PDE10A: variants seen among roughly 807,000 people sequenced by gnomAD.
PDE10A encodes the protein cAMP and cAMP-inhibited cGMP 3',5'-cyclic phosphodiesterase 10A.
A neutral mutation model predicts 97.7 loss-of-function variants in PDE10A; 39 were observed. The observed-to-expected ratio is 0.40, with a 90% confidence interval of 0.31 to 0.52. PDE10A has a LOEUF of 0.52. PDE10A is among the 20% of genes least tolerant of loss of function. The pLI is 0.56. For missense variants in PDE10A, 731 were observed against 1,047.8 expected (o/e 0.70, Z 4.17); for synonymous variants, 371 against 376.8 (o/e 0.98, Z 0.18).
At chr6:165,987,864 C>T (rs1396365763) in exon 1 of PDE10A, 1 of 382,764 alleles carries the variant, frequency 2.6e-6, no homozygotes, top group African/African-American at 2.1e-5. Flanking sequence ...GAAAGCTGCA[C>T]CCAGCGCCTT....
intron 20 of PDE10A, among the ~76,000 whole-genome samples, chr6:165,338,357 ATTAT>A (rs1422959360): frequency 6.6e-6 from 1 of 152,210 alleles, no homozygotes; most frequent in Non-Finnish European, 1.5e-5. Context: ...CTGTATCATA[ATTAT>A]TTATTTGCCC....
chr6:165,568,729 G>C (rs546891500), intron 1 of PDE10A, among the ~76,000 whole-genome samples: 1 of 152,098 alleles, frequency 6.6e-6, no homozygotes, highest in Non-Finnish European at 1.5e-5. Flanking sequence ...TAAGTTAAAG[G>C]GTGCAAGTTC....
chr6:165,522,556 A>G (rs1424718542), intron 2 of PDE10A, among the ~76,000 whole-genome samples: 1 of 152,136 alleles, frequency 6.6e-6, no homozygotes, highest in Non-Finnish European at 1.5e-5. Flanking sequence ...AAGTTTCAAT[A>G]AAATCCAACA....
intron 1 of PDE10A, among the ~76,000 whole-genome samples, chr6:165,619,292 GTC>G (rs1787918912): frequency 6.7e-5 from 8 of 119,804 alleles, no homozygotes; most frequent in African/African-American, 2.1e-4. Context: ...GTCTAGCATA[GTC>G]TAGTGTAGTG....
intron 5 of PDE10A, among the ~76,000 whole-genome samples, chr6:165,441,710 C>T (rs958008832): frequency 1.3e-5 from 2 of 152,120 alleles, no homozygotes; most frequent in Admixed American, 6.5e-5. Flanking sequence ...ATGAACAATG[C>T]GGGTACAGGA....
chr6:165,839,933 T>C (rs1780194077), intron 1 of PDE10A, among the ~76,000 whole-genome samples: 123 of 2,906 alleles, frequency 0.042, no homozygotes, highest in African/African-American at 0.046. Flanking sequence ...TCATCTCCAT[T>C]CTTATCTTCA....
chr6:165,987,117 G>A (rs542931763), intron 1 of PDE10A, among the ~76,000 whole-genome samples: 2 of 152,246 alleles, frequency 1.3e-5, no homozygotes, highest in East Asian at 3.9e-4. Context: ...AGGCCGCCTC[G>A]GGAGGCACCT....
At chr6:165,863,469 C>T (rs1462294057) in intron 1 of PDE10A, among the ~76,000 whole-genome samples, 1 of 152,160 alleles carries the variant, frequency 6.6e-6, no homozygotes. Context: ...CATATAACTA[C>T]CTTTTAATGT....
intron 1 of PDE10A, among the ~76,000 whole-genome samples, chr6:165,923,180 A>G (rs1782804386): frequency 1.3e-5 from 2 of 152,214 alleles, no homozygotes; most frequent in Admixed American, 1.3e-4. Flanking sequence ...AGTCACAAAC[A>G]CGATGTGTCT....
chr6:165,825,760 G>A (rs1779723144), intron 1 of PDE10A, among the ~76,000 whole-genome samples: 1 of 152,160 alleles, frequency 6.6e-6, no homozygotes, highest in Non-Finnish European at 1.5e-5. Flanking sequence ...CAGTGGGAGT[G>A]GGAGGGCCTG....
chr6:165,915,005 C>T lies in PDE10A; in HGVS notation c.-615+72524G>A, dbSNP rs550931556. Among the ~76,000 whole-genome samples, 55 of 149,472 alleles carry T rather than the reference C, an allele frequency of 3.7e-4. 1 individual carries two copies. The highest frequency in any genetic ancestry group is 1.3e-3 in the African/African-American group (54 of 40,854). ...GGTTTCAAGGCACAGAAACACTGTC[C>T]CATGCACATTTTACTTCCAAAATCA... On this transcript the variant is annotated intron_variant, in intron 1 of 19. Coordinates refer to the PDE10A transcript ENST00000366882.
rs2098617289 is a variant in PDE10A at position 165,864,831 on chromosome 6, T to C, written c.-615+122698A>G. ...ACCATGAAAAACATCAAATGAAGAA[T>C]TTCAATAATAGGAAAATGCCTGTTT... On this transcript the variant is annotated intron_variant, in intron 1 of 19. Transcript: ENST00000366882. Among the ~76,000 whole-genome samples the C allele has an allele frequency of 2.0e-5, 3 of 152,122 alleles. No homozygotes were observed. In the South Asian group the frequency reaches 6.2e-4, roughly 32 times the overall value.
intron 1 of PDE10A, among the ~76,000 whole-genome samples, chr6:165,703,843 T>C (rs1036304787): frequency 1.3e-5 from 2 of 152,136 alleles, no homozygotes; most frequent in African/African-American, 4.8e-5. Context: ...CGCCTCCCCT[T>C]GTTCTCAAAT....
At position 165,331,907 on chromosome 6, in the gene PDE10A, T is replaced by G. The variant is rs1562353312; in HGVS notation, c.*1118A>C. 6.6e-6 allele frequency: 1 copy of G among 152,216 alleles called. No homozygotes were observed. The highest frequency in any genetic ancestry group is 1.5e-5 in the Non-Finnish European group (1 of 68,034). 9.4% of individuals were successfully genotyped at this position (152,216 alleles called of 1,614,324 possible). ...ATTGTACTACTTTCTGCTCTGTTTC[T>G]GTGCTATGGACAGAAAGCTCATGAA... On this transcript the variant is annotated 3_prime_UTR_variant, in exon 22 of 22. Transcript: ENST00000539869.
chr6:165,579,686 G>T (rs1785504924), intron 1 of PDE10A, among the ~76,000 whole-genome samples: 1 of 152,086 alleles, frequency 6.6e-6, no homozygotes, highest in Non-Finnish European at 1.5e-5. Flanking sequence ...ACATAAACTA[G>T]ATCATGTTGC....
chr6:165,349,040 A>G (rs1379202537), intron 18 of PDE10A, among the ~76,000 whole-genome samples: 2 of 152,196 alleles, frequency 1.3e-5, no homozygotes, highest in Non-Finnish European at 2.9e-5. Flanking sequence ...GAATAGACTA[A>G]TACAGTAAAT....
At chr6:165,772,092 A>T (rs1004524601) in intron 1 of PDE10A, among the ~76,000 whole-genome samples, 1 of 152,244 alleles carries the variant, frequency 6.6e-6, no homozygotes, top group Non-Finnish European at 1.5e-5. Flanking sequence ...TATTTCCGTG[A>T]AACTAAAATA....
At chr6:165,403,390 T>C (rs1457103309) in intron 13 of PDE10A, among the ~76,000 whole-genome samples, 1 of 152,184 alleles carries the variant, frequency 6.6e-6, no homozygotes, top group Non-Finnish European at 1.5e-5. Flanking sequence ...AAATTGTCCA[T>C]ATTGAGGGAA....
intron 18 of PDE10A, among the ~76,000 whole-genome samples, chr6:165,375,706 A>G (rs997777580): frequency 1.3e-5 from 2 of 152,240 alleles, no homozygotes; most frequent in Admixed American, 6.5e-5. Flanking sequence ...CAAAGCTTCA[A>G]AGGATGAGCT....
Sources: allele counts gnomAD v4.1 joint callset (sites outside exome capture counted in the v4.1 genomes callset), GRCh38; gene constraint gnomAD v4.1.1; transcripts MANE v1.5; gene names NCBI Gene and HGNC (gene_info 2026-07-23, HGNC 2026-07-21).